Variants in OR14A16 observed in about 807,000 individuals in gnomAD.
The protein encoded by OR14A16 is olfactory receptor family 14 subfamily A member 16.
For missense variants in OR14A16, 341 were observed against 366.5 expected (o/e 0.93, Z 0.57); for synonymous variants, 135 against 137.6 (o/e 0.98, Z 0.13).
At chr1:247,822,485 G>T (rs536961483) in intron 1 of OR14A16, among the ~76,000 whole-genome samples, 1 of 152,122 alleles carries the variant, frequency 6.6e-6, no homozygotes, top group Admixed American at 6.6e-5. Flanking sequence ...TGCACCAAGG[G>T]CTCTTGGGCT....
At chr1:247,823,062 T>G (rs929589926) in intron 1 of OR14A16, among the ~76,000 whole-genome samples, 1 of 152,228 alleles carries the variant, frequency 6.6e-6, no homozygotes, top group African/African-American at 2.4e-5. Context: ...CACTACCCTT[T>G]GTGGGGTGCC....
rs1438452611 is a variant in OR14A16, at chr1:247,815,236, G to A, written c.494C>T (p.Ser165Phe). Residue 165 changes from serine (S) to phenylalanine (F), a missense_variant, in exon 3 of 3, where the codon TCC (serine) becomes TTC (phenylalanine). Transcript: ENST00000641093. ...VMHTAGTFSLSYCGSNMVHQF... is the reference protein window; with the variant it reads ...VMHTAGTFSLFYCGSNMVHQF... ...ATGGACCATGTTGGACCCACAGTAGGATAAGGAGAAGGTGCCAGCTGTGTG... is the reference window on the plus strand; with the variant it reads ...ATGGACCATGTTGGACCCACAGTAGAATAAGGAGAAGGTGCCAGCTGTGTG... The A allele has an allele frequency of 2.6e-6, 4 of 1,522,918 alleles. No homozygotes were observed. The East Asian group carries it at 7.5e-5, about 29-fold the overall frequency. The allele number at this position is 1,522,918 out of a possible 1,614,324, so 94.3% of individuals were successfully genotyped here.
intron 1 of OR14A16, among the ~76,000 whole-genome samples, chr1:247,823,590 T>C: frequency 6.6e-6 from 1 of 152,172 alleles, no homozygotes; most frequent in East Asian, 1.9e-4. Flanking sequence ...CTGCAGTAGG[T>C]CTTCAAGCAT....
At position 247,814,978 on chromosome 1, in the gene OR14A16, G is replaced by T; in HGVS notation, c.752C>A (p.Thr251Asn). 6.2e-7 allele frequency: 1 copy of T among 1,613,998 alleles called. No individual in the cohort carries two copies. Among genetic ancestry groups the T allele is most frequent in the Non-Finnish European group, 8.5e-7 (1 of 1,179,980 alleles). Residue 251 changes from threonine (T) to asparagine (N), a missense_variant, in exon 3 of 3, where the codon ACT (threonine) becomes AAT (asparagine). Physicochemically the swap from Thr to Asn is moderately conservative, Grantham distance 65 (BLOSUM62 0). Coordinates refer to ENST00000641093, the MANE Select transcript of OR14A16 (RefSeq NM_001001966.2). ...TGGCTTCAGATAAGCAATGAATCCA[G>T]TGGAAAGAAATAACACAACCAGCAA... ...PHLLVVLFLS[T>N]GFIAYLKPAS...
chr1:247,815,621 G>A lies in OR14A16; in HGVS notation c.109C>T (p.Leu37=). The part of the protein sequence containing the change: ...ILFLLIYLCA[L]MGNVLIIMIT... ...ATGATAATGAGGACATTCCCCATCA[G>A]GGCACACAAATAAATCAACAAGAAG... Residue 37 remains leucine (L), a synonymous_variant, in exon 3 of 3, where the codon CTG becomes TTG. Transcript: ENST00000641093. The A allele has an allele frequency of 6.2e-7, 1 of 1,612,020 alleles. No individual in the cohort carries two copies. The highest frequency in any genetic ancestry group is 8.5e-7 in the Non-Finnish European group (1 of 1,178,134).
intron 2 of OR14A16, among the ~76,000 whole-genome samples, chr1:247,816,978 A>G (rs1662633458): frequency 1.3e-5 from 2 of 152,274 alleles, no homozygotes; most frequent in East Asian, 3.9e-4. Context: ...CCCTTCCAAA[A>G]AAGTATTGCA....
chr1:247,816,738 A>C (rs905975390), intron 2 of OR14A16, among the ~76,000 whole-genome samples: 2 of 152,210 alleles, frequency 1.3e-5, no homozygotes, highest in African/African-American at 4.8e-5. Context: ...CAAAACAAAC[A>C]AATAAATAAA....
At chr1:247,816,280 T>A (rs1050763018) in intron 2 of OR14A16, among the ~76,000 whole-genome samples, 2 of 152,222 alleles carry the variant, frequency 1.3e-5, no homozygotes, top group African/African-American at 4.8e-5. Context: ...TTAACCTACT[T>A]ACTCTCTAAA....
chr1:247,820,991 T>A (rs1009901428), intron 1 of OR14A16, among the ~76,000 whole-genome samples: 1 of 152,268 alleles, frequency 6.6e-6, no homozygotes, highest in Non-Finnish European at 1.5e-5. Context: ...TCAACATGTT[T>A]TTTCATTTCC....
intron 1 of OR14A16, among the ~76,000 whole-genome samples, chr1:247,823,320 A>G (rs962454798): frequency 6.6e-6 from 1 of 152,126 alleles, no homozygotes; most frequent in African/African-American, 2.4e-5. Flanking sequence ...AGAGACCCCC[A>G]TTTCTACAAA....
chr1:247,822,064 T>C (rs1662749720), intron 1 of OR14A16, among the ~76,000 whole-genome samples: 1 of 152,200 alleles, frequency 6.6e-6, no homozygotes, highest in African/African-American at 2.4e-5. Context: ...TATCACAATT[T>C]ATGTTTTTTA....
At chr1:247,815,880 C>T in intron 2 of OR14A16, 136 bp from the exon 3 acceptor site, 1 of 464,220 alleles carries the variant, frequency 2.2e-6, no homozygotes, top group Non-Finnish European at 3.8e-6. Context: ...TGCCAATTTG[C>T]CACAAAAAAT....
chr1:247,823,158 C>T (rs989293876), intron 1 of OR14A16, among the ~76,000 whole-genome samples: 3 of 152,008 alleles, frequency 2.0e-5, no homozygotes, highest in Non-Finnish European at 1.5e-5. Flanking sequence ...AATTTCTTAA[C>T]TTTTGAGGTG....
chr1:247,818,586 A>G (rs982771943), intron 2 of OR14A16, among the ~76,000 whole-genome samples: 7 of 152,244 alleles, frequency 4.6e-5, no homozygotes, highest in African/African-American at 1.7e-4. Context: ...CATTATGTTA[A>G]GTAAAATAAG....
At chr1:247,815,829 A>T (rs933727352) in intron 2 of OR14A16, 85 bp from the exon 3 acceptor site, 2 of 590,256 alleles carry the variant, frequency 3.4e-6, no homozygotes, top group Admixed American at 6.4e-5. Context: ...ATTATTTAGC[A>T]TACTGAAACA....
chr1:247,819,492 G>A (rs11204515), intron 1 of OR14A16, among the ~76,000 whole-genome samples: 105,336 of 152,064 alleles, frequency 0.69, 37,528 homozygotes, highest in East Asian at 1. Context: ...TTTACTGTGA[G>A]TGAGAGAAAA....
chr1:247,816,451 G>T (rs1363893633), intron 2 of OR14A16, among the ~76,000 whole-genome samples: 1 of 152,220 alleles, frequency 6.6e-6, no homozygotes, highest in Non-Finnish European at 1.5e-5. Flanking sequence ...AGCTGGCCGG[G>T]TGCGGTGGCT....
At chr1:247,822,795 AG>A (rs1662765167) in intron 1 of OR14A16, among the ~76,000 whole-genome samples, 1 of 152,188 alleles carries the variant, frequency 6.6e-6, no homozygotes, top group African/African-American at 2.4e-5. Flanking sequence ...AGAGTGAGGA[AG>A]CTTATTGGGT....
At chr1:247,822,218 G>A (rs1462354652) in intron 1 of OR14A16, among the ~76,000 whole-genome samples, 1 of 151,176 alleles carries the variant, frequency 6.6e-6, no homozygotes, top group Non-Finnish European at 1.5e-5. Context: ...GTGTCTGTGA[G>A]GGTGTTTCCA....
Sources: allele counts gnomAD v4.1 joint callset (sites outside exome capture counted in the v4.1 genomes callset), GRCh38; gene constraint gnomAD v4.1.1; transcripts MANE v1.5; gene names NCBI Gene and HGNC (gene_info 2026-07-23, HGNC 2026-07-21).